The following PTPRT variants were observed in gnomAD, a reference collection of about 807,000 sequenced individuals.
PTPRT encodes receptor-type tyrosine-protein phosphatase T.
A neutral mutation model predicts 176.8 loss-of-function variants in PTPRT; 56 were observed. That is an observed-to-expected ratio of 0.32 (90% CI 0.26 to 0.40). The LOEUF (loss-of-function observed/expected upper bound fraction) is 0.40. Among genes scored for constraint, PTPRT ranks in the 10% least tolerant of loss-of-function variants. The pLI is 1.00. For missense variants in PTPRT, 1,540 were observed against 1,908.2 expected (o/e 0.81, Z 3.60); for synonymous variants, 783 against 739.0 (o/e 1.06, Z -0.96).
chr20:42,098,545 T>C lies in PTPRT; in HGVS notation c.3722A>G (p.Lys1241Arg), dbSNP rs1468348359. ...GGTGACCACGAAGGCGGCAGGCTGC[T>C]TGTGGCTCTGACAAAGGAATGACAC... Reference protein sequence around the residue: ...YINAALMDSHKQPAAFVVTQH... With the variant: ...YINAALMDSHRQPAAFVVTQH... Residue 1241 changes from lysine (K) to arginine (R), a missense_variant, in exon 27 of 31, where the codon AAG becomes AGG. Lys to Arg is a conservative substitution (Grantham distance 26). This residue lies in a region of PTPRT where 342 missense variants were observed against 394.0 expected (regional missense o/e 0.87). Transcript: ENST00000373187. The C allele has an allele frequency of 6.2e-7, 1 of 1,614,030 alleles. No individual in the cohort carries two copies. The highest frequency in any genetic ancestry group is 1.3e-5 in the African/African-American group (1 of 74,934).
chr20:42,104,726 G>T lies in PTPRT; in HGVS notation c.3391-8C>A, dbSNP rs749173348. On this transcript the variant is annotated splice_region_variant and splice_polypyrimidine_tract_variant and intron_variant, in intron 24 of 30. Coordinates refer to ENST00000373187, the MANE Select transcript of PTPRT (RefSeq NM_007050.6). ...CACAAACACATATTGCTCCTGCAAAGTCAGAAGAGAGGGAATGGGGTGCCA... is the reference window on the plus strand; with the variant it reads ...CACAAACACATATTGCTCCTGCAAATTCAGAAGAGAGGGAATGGGGTGCCA... The T allele has an allele frequency of 1.3e-6, 2 of 1,566,582 alleles. No homozygotes were observed. Among genetic ancestry groups the T allele is most frequent in the East Asian group, 4.5e-5 (2 of 44,620 alleles).
chr20:42,785,429 T>G (rs2077274970), intron 3 of PTPRT, among the ~76,000 whole-genome samples: 1 of 152,218 alleles, frequency 6.6e-6, no homozygotes, highest in Non-Finnish European at 1.5e-5. Flanking sequence ...GAGCTCCAGG[T>G]CTGGTGAATT....
At chr20:42,241,379 G>A (rs1339815854) in intron 14 of PTPRT, among the ~76,000 whole-genome samples, 1 of 152,100 alleles carries the variant, frequency 6.6e-6, no homozygotes, top group Non-Finnish European at 1.5e-5. Context: ...AAGTGGGAAT[G>A]GCAAGATGTT....
chr20:43,072,569 A>G (rs2011195265), intron 1 of PTPRT, among the ~76,000 whole-genome samples: 2 of 152,130 alleles, frequency 1.3e-5, no homozygotes, highest in South Asian at 2.1e-4. Context: ...AGAAAAAAAA[A>G]CTCATTTCCA....
intron 17 of PTPRT, among the ~76,000 whole-genome samples, chr20:42,146,265 A>G (rs905380397): frequency 1.4e-4 from 21 of 152,166 alleles, no homozygotes; most frequent in African/African-American, 4.1e-4. Flanking sequence ...AAGCTGATCT[A>G]TTGAGGGTGG....
At chr20:42,087,107 G>T (rs986258417) in intron 27 of PTPRT, among the ~76,000 whole-genome samples, 2 of 151,828 alleles carry the variant, frequency 1.3e-5, no homozygotes, top group Non-Finnish European at 2.9e-5. Context: ...GGCATTTAGT[G>T]AGTAGAGGAG....
intron 8 of PTPRT, among the ~76,000 whole-genome samples, chr20:42,452,874 C>T (rs961308017): frequency 2.0e-5 from 3 of 152,178 alleles, no homozygotes; most frequent in Non-Finnish European, 4.4e-5. Context: ...GTATACCATA[C>T]ATGGTAGAAA....
At chr20:43,036,905 T>C (rs1986403088) in intron 1 of PTPRT, among the ~76,000 whole-genome samples, 1 of 152,188 alleles carries the variant, frequency 6.6e-6, no homozygotes, top group African/African-American at 2.4e-5. Flanking sequence ...TGCAGGAAAA[T>C]GAATTAATAA....
chr20:42,237,224 C>T (rs2056262809), intron 14 of PTPRT, among the ~76,000 whole-genome samples: 1 of 152,288 alleles, frequency 6.6e-6, no homozygotes, highest in African/African-American at 2.4e-5. Context: ...AACTGTTGCT[C>T]TTTAAGCCAT....
chr20:42,857,784 G>A (rs981306126), intron 2 of PTPRT, among the ~76,000 whole-genome samples: 3 of 152,174 alleles, frequency 2.0e-5, no homozygotes, highest in Non-Finnish European at 2.9e-5. Context: ...CTCTGAACCT[G>A]TCGAATCTTG....
intron 9 of PTPRT, among the ~76,000 whole-genome samples, chr20:42,363,698 C>T (rs1436788388): frequency 6.6e-6 from 1 of 152,124 alleles, no homozygotes; most frequent in Admixed American, 6.5e-5. Flanking sequence ...ACACATTACT[C>T]GTTTAATCAT....
At chr20:42,840,861 C>A (rs926784844) in intron 2 of PTPRT, among the ~76,000 whole-genome samples, 2 of 152,184 alleles carry the variant, frequency 1.3e-5, no homozygotes, top group African/African-American at 4.8e-5. Flanking sequence ...TGGAGCCCAG[C>A]ATCCCCACAT....
chr20:43,123,668 C>T (rs902833238), intron 1 of PTPRT, among the ~76,000 whole-genome samples: 1 of 152,196 alleles, frequency 6.6e-6, no homozygotes, highest in Admixed American at 6.5e-5. Context: ...ACAAGTTTTA[C>T]AAGAGGCAGA....
At chr20:43,120,660 C>CGT (rs929290075) in intron 1 of PTPRT, among the ~76,000 whole-genome samples, 3 of 152,128 alleles carry the variant, frequency 2.0e-5, no homozygotes, top group Non-Finnish European at 4.4e-5. Flanking sequence ...TGTTGCTGCA[C>CGT]GTGTGTGTGT....
intron 2 of PTPRT, among the ~76,000 whole-genome samples, chr20:42,828,512 T>C (rs1043491575): frequency 3.3e-5 from 5 of 151,932 alleles, no homozygotes; most frequent in African/African-American, 1.2e-4. Flanking sequence ...AGGGGGAAAA[T>C]GTCTCCAGGG....
At chr20:42,382,454 T>C (rs1337226127) in intron 9 of PTPRT, among the ~76,000 whole-genome samples, 1 of 152,214 alleles carries the variant, frequency 6.6e-6, no homozygotes, top group Non-Finnish European at 1.5e-5. Flanking sequence ...TCCAGATCCC[T>C]GTACATCACT....
intron 2 of PTPRT, among the ~76,000 whole-genome samples, chr20:42,827,383 G>C (rs1303677448): frequency 9.2e-5 from 14 of 152,148 alleles, no homozygotes; most frequent in East Asian, 1.9e-4. Context: ...AAAAATAGAA[G>C]TCAACACTAA....
intron 9 of PTPRT, among the ~76,000 whole-genome samples, chr20:42,381,051 C>G (rs534903136): frequency 5.3e-5 from 8 of 152,020 alleles, no homozygotes; most frequent in Non-Finnish European, 1.0e-4. Context: ...CCAGATCTCA[C>G]GAGAACTCAC....
chr20:43,034,991 AC>A (rs1223105321), intron 1 of PTPRT, among the ~76,000 whole-genome samples: 1 of 148,756 alleles, frequency 6.7e-6, no homozygotes, highest in East Asian at 2.0e-4. Flanking sequence ...GGATTAGGGG[AC>A]TCACCCACTA....
Sources: allele counts gnomAD v4.1 joint callset (sites outside exome capture counted in the v4.1 genomes callset), GRCh38; gene constraint gnomAD v4.1.1; regional missense constraint gnomAD v4.1.1; transcripts MANE v1.5; gene names NCBI Gene and HGNC (gene_info 2026-07-23, HGNC 2026-07-21).